DNAJC2: variants seen among roughly 807,000 people sequenced by gnomAD.
DNAJC2 encodes the protein dnaJ homolog subfamily C member 2.
DNAJC2 carries 32 observed loss-of-function variants against 94.0 expected under a neutral mutation model. That is an observed-to-expected ratio of 0.34 (90% CI 0.26 to 0.46). The LOEUF is 0.46. Ranked by LOEUF, DNAJC2 falls within the 20% of genes least tolerant of loss-of-function variation. DNAJC2 has a pLI of 1.00. For synonymous variants in DNAJC2, 210 were observed against 229.7 expected (o/e 0.91, Z 0.77); for missense variants, 550 against 719.5 (o/e 0.76, Z 2.69).
Position 103,341,782 on chromosome 7 carries a change from A to G in DNAJC2, c.237T>C (p.Leu79=). Reference sequence around the variant, plus strand: ...TAAATACCTTCCAGTCTTTGGGATCAAGTGTTTTCAGCATGGGAAACTCTT... The same window carrying G: ...TAAATACCTTCCAGTCTTTGGGATCGAGTGTTTTCAGCATGGGAAACTCTT... ...QLEEFPMLKT[L]DPKDWKNQDH... is the part of the protein sequence containing the mutation. The change falls in exon 2 of 17, where the codon CTT becomes CTC. Residue 79 remains leucine (L), a synonymous_variant. Coordinates refer to ENST00000379263, the MANE Select transcript of DNAJC2 (RefSeq NM_014377.3). 6.3e-7 allele frequency: 1 copy of G among 1,585,048 alleles called. No individual in the cohort carries two copies. The highest frequency in any genetic ancestry group is 8.6e-7 in the Non-Finnish European group (1 of 1,167,052).
chr7:103,323,408 C>A lies in DNAJC2; in HGVS notation c.719+190G>T, dbSNP rs191419342. Among the ~76,000 whole-genome samples, 4 of 152,174 alleles carry A rather than the reference C, an allele frequency of 2.6e-5. No individual in the cohort carries two copies. In the East Asian group the frequency reaches 7.7e-4, roughly 29 times the overall value. On this transcript the variant is annotated intron_variant, in intron 7 of 16. Transcript: ENST00000379263. Reference sequence around the variant, plus strand: ...TTCCTTGGCAATTTCTTAAGCATATCCTAACCAATTATTGATCTGGGCCCA... The same window carrying A: ...TTCCTTGGCAATTTCTTAAGCATATACTAACCAATTATTGATCTGGGCCCA...
intron 10 of DNAJC2, among the ~76,000 whole-genome samples, chr7:103,321,617 G>A (rs1362871695): frequency 6.6e-6 from 1 of 151,782 alleles, no homozygotes; most frequent in Non-Finnish European, 1.5e-5. Context: ...GGAGGCCAAG[G>A]CGGGGAGATC....
chr7:103,333,649 T>C lies in DNAJC2; in HGVS notation c.331+4087A>G, dbSNP rs60243432. On this transcript the variant is annotated intron_variant, in intron 3 of 16. Coordinates refer to ENST00000379263, the MANE Select transcript of DNAJC2 (RefSeq NM_014377.3). Reference sequence around the variant, plus strand: ...TCATCCAAAAAGTTCCCTTGTACCCTTTTCCACTGGGCTCCCATCCTCTAC... The same window carrying C: ...TCATCCAAAAAGTTCCCTTGTACCCCTTTCCACTGGGCTCCCATCCTCTAC... 1.3e-3 allele frequency among the ~76,000 whole-genome samples: 200 copies of C among 152,300 alleles called. 7 individuals are homozygous for C. In the East Asian group the frequency reaches 0.036, roughly 28 times the overall value.
In DNAJC2 at chr7:103,322,727, T is replaced by C. The variant is rs2115885088; in HGVS notation, c.787A>G (p.Met263Val). The C allele has an allele frequency of 6.2e-7, 1 of 1,611,984 alleles. No individual in the cohort carries two copies. The highest frequency in any genetic ancestry group is 2.2e-5 in the East Asian group (1 of 44,808). Reference protein sequence around the residue: ...ATRAQRKKEEMNRIRTLVDNA... With the variant: ...ATRAQRKKEEVNRIRTLVDNA... The stretch of plus-strand genomic sequence containing the variant: ...CCAACTAATGTTCTTATTCTGTTCA[T>C]TTCTTCTTTTTTTCTTTGTGCTCTT... Residue 263 changes from methionine to valine, a missense_variant, in exon 8 of 17, where the codon ATG (methionine) becomes GTG (valine). Transcript: ENST00000379263.
chr7:103,327,859 T>C, intron 3 of DNAJC2, 105 bp from the exon 4 acceptor site: 1 of 636,274 alleles, frequency 1.6e-6, no homozygotes. Context: ...TATTAGAATC[T>C]TTTCTCCCAC....
rs746608775 is a variant in DNAJC2, at chr7:103,315,979, A to G, written c.1528+9T>C. ...GTTTAAAGTAACAAATGGACTTCTC[A>G]AAACTCACCAAGTTTTTGGAGACTC... On this transcript the variant is annotated intron_variant, in intron 14 of 16. Transcript: ENST00000379263. 1 of 1,588,412 alleles carries G rather than the reference A, an allele frequency of 6.3e-7. No homozygotes were observed. Among genetic ancestry groups the G allele is most frequent in the African/African-American group, 1.4e-5 (1 of 73,672 alleles).
Position 103,344,685 on chromosome 7 carries a change from G to T in DNAJC2, c.-63C>A. ...ACGTCCCGGGCGGAGGGCGCTTAGGGTCCCCTCCAGCTCTACCTCTCACTC... is the reference window on the plus strand; with the variant it reads ...ACGTCCCGGGCGGAGGGCGCTTAGGTTCCCCTCCAGCTCTACCTCTCACTC... On this transcript the variant is annotated 5_prime_UTR_variant, in exon 1 of 17. Transcript: ENST00000379263. 1.3e-6 allele frequency: 2 copies of T among 1,553,462 alleles called. No homozygotes were observed. Among genetic ancestry groups the T allele is most frequent in the Non-Finnish European group, 1.8e-6 (2 of 1,139,478 alleles).
rs767217487 is a variant in DNAJC2 at position 103,315,746 on chromosome 7, T to C, written c.1636+18A>G. ...ATACATGGCTAGCATTTTCTACGTT[T>C]AGAAAAGCAAAATTTACCTTCAAAT... On this transcript the variant is annotated intron_variant, in intron 15 of 16. Transcript: ENST00000379263. 14 of 1,596,316 alleles carry C rather than the reference T, an allele frequency of 8.8e-6. No homozygotes were observed. The highest frequency in any genetic ancestry group is 3.3e-5 in the Admixed American group (2 of 59,872).
chr7:103,313,278 TCA>T, intron 15 of DNAJC2, 177 bp from the exon 16 acceptor site: 1 of 1,340,128 alleles, frequency 7.5e-7, no homozygotes, highest in East Asian at 2.8e-5. Context: ...AGAAAAAATT[TCA>T]GATAGCTCAC....
chr7:103,327,547 A>C, intron 4 of DNAJC2, 109 bp downstream of exon 4: 1 of 764,180 alleles, frequency 1.3e-6, no homozygotes, highest in Non-Finnish European at 2.1e-6. Context: ...ATGTTTTAAA[A>C]TGTCAAAGGA....
chr7:103,340,634 A>G lies in DNAJC2; in HGVS notation c.255+1130T>C, dbSNP rs1298584851. 2.0e-5 allele frequency among the ~76,000 whole-genome samples: 3 copies of G among 152,192 alleles called. 1 individual carries two copies. The highest frequency in any genetic ancestry group is 2.1e-4 in the South Asian group (1 of 4,834). Reference sequence around the variant, plus strand: ...CTTTCCCAAGGTCGAAGTGCACCAAATGGCAGAACCAGATTTGAATTCAGG... The same window carrying G: ...CTTTCCCAAGGTCGAAGTGCACCAAGTGGCAGAACCAGATTTGAATTCAGG... On this transcript the variant is annotated intron_variant, in intron 2 of 16. Coordinates refer to ENST00000379263, the MANE Select transcript of DNAJC2 (RefSeq NM_014377.3).
Position 103,319,684 on chromosome 7 carries a change from GAA to G in DNAJC2, c.1173-8_1173-7del. On this transcript the variant is annotated splice_polypyrimidine_tract_variant and splice_region_variant and intron_variant, in intron 11 of 16. Coordinates refer to ENST00000379263, the MANE Select transcript of DNAJC2 (RefSeq NM_014377.3). ...TTTCATTCAAGCACTGTAAGCTAAA[GAA>G]AAAAAAAGAAGAAATGAAACTTTAT... 5 of 1,597,832 alleles carry G rather than the reference GAA, an allele frequency of 3.1e-6. No individual in the cohort carries two copies. Among genetic ancestry groups the G allele is most frequent in the Non-Finnish European group, 4.3e-6 (5 of 1,170,064 alleles).
At chr7:103,334,246 C>T (rs143533954) in intron 3 of DNAJC2, among the ~76,000 whole-genome samples, 8,877 of 151,294 alleles carry the variant, frequency 0.059, 447 homozygotes, top group East Asian at 0.27. Flanking sequence ...CCACTGTGCC[C>T]GGCCTGTTGT....
intron 15 of DNAJC2, 73 bp downstream of exon 15, chr7:103,315,691 C>T: frequency 2.1e-6 from 2 of 975,262 alleles, no homozygotes; most frequent in Non-Finnish European, 3.2e-6. Context: ...TGAACATAGA[C>T]CCTAAGTCTT....
At chr7:103,341,211 C>G (rs1008669428) in intron 2 of DNAJC2, among the ~76,000 whole-genome samples, 6 of 152,192 alleles carry the variant, frequency 3.9e-5, no homozygotes, top group African/African-American at 1.4e-4. Context: ...CCCTTGCCCC[C>G]TTTCAAGCAA....
intron 14 of DNAJC2, 55 bp downstream of exon 14, chr7:103,315,933 T>G: frequency 6.5e-7 from 1 of 1,547,464 alleles, no homozygotes; most frequent in Admixed American, 1.8e-5. Context: ...TTAAATTGCA[T>G]AAGTTATTTT....
chr7:103,332,986 C>T (rs1010730303), intron 3 of DNAJC2, among the ~76,000 whole-genome samples: 18 of 152,158 alleles, frequency 1.2e-4, no homozygotes, highest in African/African-American at 3.9e-4. Flanking sequence ...CAAAAGTGTT[C>T]GGGATTTCAA....
intron 15 of DNAJC2, among the ~76,000 whole-genome samples, chr7:103,314,937 A>C (rs748425654): frequency 6.6e-6 from 1 of 152,196 alleles, no homozygotes; most frequent in Non-Finnish European, 1.5e-5. Context: ...TTTTCCACAT[A>C]AACTGCTTTC....
Position 103,312,296 on chromosome 7 carries a change from A to G in DNAJC2, c.*273T>C. On this transcript the variant is annotated 3_prime_UTR_variant, in exon 17 of 17. Transcript: ENST00000379263. Reference sequence around the variant, plus strand: ...AAATGCTCCTAATCAAGATTGTTTGAACACATGTATTTATAAAACAGAGCT... The same window carrying G: ...AAATGCTCCTAATCAAGATTGTTTGGACACATGTATTTATAAAACAGAGCT... 1 of 1,606,916 alleles carries G rather than the reference A, an allele frequency of 6.2e-7. No individual in the cohort carries two copies. Among genetic ancestry groups the G allele is most frequent in the South Asian group, 1.1e-5 (1 of 90,920 alleles).
Sources: allele counts gnomAD v4.1 joint callset (sites outside exome capture counted in the v4.1 genomes callset), GRCh38; gene constraint gnomAD v4.1.1; transcripts MANE v1.5; gene names NCBI Gene and HGNC (gene_info 2026-07-23, HGNC 2026-07-21).